ASPHD1: variants seen among roughly 807,000 people sequenced by gnomAD.
ASPHD1 encodes aspartate beta-hydroxylase domain-containing protein 1.
In ASPHD1, 20 loss-of-function variants were observed where a neutral mutation model predicts 28.3. The observed-to-expected ratio is 0.71, with a 90% confidence interval of 0.50 to 1.03. The LOEUF (loss-of-function observed/expected upper bound fraction) is 1.03, where lower values mean the gene tolerates loss of function less well. ASPHD1 is among the 50% of genes least tolerant of loss of function. ASPHD1 has a pLI of 0.00. For missense variants in ASPHD1, 479 were observed against 524.1 expected, an observed-to-expected ratio of 0.91 and a Z score of 0.84; for synonymous variants, 240 against 221.2, an observed-to-expected ratio of 1.08 and a Z score of -0.75.
rs561716059 is a variant in ASPHD1 at position 29,905,804 on chromosome 16, GCCT to G, written c.1082_1084del (p.Pro361del). 2.7e-5 allele frequency: 44 copies of G among 1,613,896 alleles called. No homozygotes were observed. The Admixed American group carries it at 4.2e-4, about 15-fold the overall frequency. ...GTGCCCTAGGCTCCCCCGAAGATGG[GCCT>G]CGAGTGGTCTTCATCGTGGACCTCT... On this transcript the variant is annotated inframe_deletion, in exon 3 of 3. Transcript: ENST00000308748.
chr16:29,911,315 G>A (rs1381789159), intron 3 of ASPHD1: 14 of 671,288 alleles, frequency 2.1e-5, no homozygotes, highest in African/African-American at 3.6e-5. Flanking sequence ...TCCACCCCTG[G>A]GGCCAGGCTA....
At chr16:29,906,884 G>A (rs1389996472), downstream of ASPHD1, 10 of 1,614,018 alleles carry the variant, frequency 6.2e-6, no homozygotes, top group Middle Eastern at 1.6e-4. Context: ...AGTCCTTGAA[G>A]ACAATTTGTT....
At chr16:29,917,895 C>A (rs1259405526) in intron 3 of ASPHD1, among the ~76,000 whole-genome samples, 1 of 152,110 alleles carries the variant, frequency 6.6e-6, no homozygotes, top group Non-Finnish European at 1.5e-5. Context: ...TTGCAGTGAG[C>A]CGAGATGACA....
chr16:29,905,960 G>A lies in ASPHD1; in HGVS notation c.*63G>A. On this transcript the variant is annotated 3_prime_UTR_variant, in exon 3 of 3. Transcript: ENST00000308748. ...CACTGCGCTCAGGGACGGCTTGATG[G>A]TAGCCAGGACCTCCTCTCTACTGCG... 9.6e-7 allele frequency: 1 copy of A among 1,036,574 alleles called. No homozygotes were observed. The highest frequency in any genetic ancestry group is 1.4e-6 in the Non-Finnish European group (1 of 721,444). 64.2% of individuals were successfully genotyped at this position (1,036,574 alleles called of 1,614,324 possible). A position where few individuals can be genotyped will look rare whatever the true frequency, so the allele number is the denominator to read the frequency against.
intron 3 of ASPHD1, chr16:29,911,061 A>G (rs2068699100): frequency 6.2e-7 from 1 of 1,614,108 alleles, no homozygotes; most frequent in African/African-American, 1.3e-5. Context: ...TAGAAAGACC[A>G]GCAGCAGATC....
intron 1 of ASPHD1, among the ~76,000 whole-genome samples, chr16:29,903,148 G>T (rs1490036155): frequency 2.0e-5 from 3 of 151,638 alleles, no homozygotes; most frequent in African/African-American, 7.3e-5. Flanking sequence ...CTGAGGCTGG[G>T]AGTTCGAGAC....
chr16:29,917,464 T>C (rs1466803123), intron 3 of ASPHD1, among the ~76,000 whole-genome samples: 1 of 152,012 alleles, frequency 6.6e-6, no homozygotes, highest in Non-Finnish European at 1.5e-5. Flanking sequence ...TTGACCAACA[T>C]GGCAAAACCC....
In ASPHD1 at chr16:29,901,679, TCCGCCTCGGGGCTGGTCC is replaced by T. The variant is rs1391520090; in HGVS notation, c.711_728del (p.Arg239_Pro244del). On this transcript the variant is annotated inframe_deletion, in exon 1 of 3. Coordinates refer to ENST00000308748, the MANE Select transcript of ASPHD1 (RefSeq NM_181718.4). This position sits in a 1 kb window ranked among gnomAD's most constrained non-coding sequence, Gnocchi z 5.1. ...GCTGGGACTTCTCAGGGACTACCCC[TCCGCCTCGGGGCTGGTCC>T]CCACCTCTGGCCCCCGGGTGCTACC... 2.9e-5 allele frequency: 46 copies of T among 1,584,208 alleles called. No homozygotes were observed. The highest frequency in any genetic ancestry group is 3.8e-5 in the Non-Finnish European group (44 of 1,170,154).
At chr16:29,912,099 T>C (rs767005325) in intron 3 of ASPHD1, 46 of 1,280,472 alleles carry the variant, frequency 3.6e-5, no homozygotes, top group Non-Finnish European at 4.9e-5. Flanking sequence ...GGCCACGTAC[T>C]CCCCCACTTA....
In ASPHD1 at chr16:29,901,354, C is replaced by T; in HGVS notation, c.383C>T (p.Pro128Leu). The T allele has an allele frequency of 1.3e-6, 2 of 1,599,918 alleles. No individual in the cohort carries two copies. Among genetic ancestry groups the T allele is most frequent in the East Asian group, 2.2e-5 (1 of 44,748 alleles). ...GTGGGATGCTCGGAGGCCGGCGGGC[C>T]AAGCCCAGGGGGTCCTGGGGATCCC... Reference protein sequence around the residue: ...GPVGCSEAGGPSPGGPGDPGE... With the variant: ...GPVGCSEAGGLSPGGPGDPGE... The change falls in exon 1 of 3, where the codon CCA (proline) becomes CTA (leucine). Residue 128 changes from proline to leucine, a missense_variant. Pro to Leu is a moderately conservative substitution (Grantham distance 98, BLOSUM62 -3). Coordinates refer to ENST00000308748, the MANE Select transcript of ASPHD1 (RefSeq NM_181718.4). This position sits in a 1 kb window ranked among gnomAD's most constrained non-coding sequence, Gnocchi z 5.1.
At chr16:29,911,037 T>G (rs766538821), downstream of ASPHD1, 4 of 1,614,198 alleles carry the variant, frequency 2.5e-6, no homozygotes, top group Non-Finnish European at 8.5e-7. Flanking sequence ...TCGGCGATTT[T>G]GCGGCCCTGC....
downstream of ASPHD1, chr16:29,906,539 G>A: frequency 2.0e-6 from 1 of 491,558 alleles, no homozygotes; most frequent in Non-Finnish European, 4.0e-6. Flanking sequence ...TGTCAGGAAG[G>A]GCCGCACACT....
intron 3 of ASPHD1, chr16:29,912,226 G>A: frequency 1.6e-6 from 1 of 636,838 alleles, no homozygotes; most frequent in Middle Eastern, 3.9e-4. Flanking sequence ...CTGGGCCTTG[G>A]TCCCACGGAC....
downstream of ASPHD1, chr16:29,907,184 T>C (rs2068628920): frequency 9.8e-7 from 1 of 1,018,902 alleles, no homozygotes; most frequent in Admixed American, 2.1e-5. Context: ...CTAGGGCCCC[T>C]GCACCAACAC....
In ASPHD1 at chr16:29,901,058, C is replaced by G; in HGVS notation, c.87C>G (p.Asn29Lys). ...ETAQSGMWKG[N>K]SPAGSQGAAM... is the part of the protein sequence containing the mutation. The stretch of plus-strand genomic sequence containing the variant: ...CCCAGAGTGGAATGTGGAAGGGAAA[C>G]AGTCCAGCGGGGAGCCAGGGGGCAG... Residue 29 changes from asparagine to lysine, a missense_variant, in exon 1 of 3, where the codon AAC becomes AAG. By Grantham distance (94) the Asn-to-Lys change is moderately conservative. Transcript: ENST00000308748. This position sits in a 1 kb window ranked among gnomAD's most constrained non-coding sequence, Gnocchi z 5.1. 1 of 1,604,606 alleles carries G rather than the reference C, an allele frequency of 6.2e-7. No individual in the cohort carries two copies. Among genetic ancestry groups the G allele is most frequent in the Non-Finnish European group, 8.5e-7 (1 of 1,175,524 alleles).
At chr16:29,908,101 C>T (rs1275746153), downstream of ASPHD1, among the ~76,000 whole-genome samples, 2 of 151,874 alleles carry the variant, frequency 1.3e-5, no homozygotes, top group African/African-American at 4.8e-5. Flanking sequence ...CCAGGGAAGG[C>T]CTCACTGAGA....
chr16:29,904,886 C>T lies in ASPHD1; in HGVS notation c.984C>T (p.Val328=), dbSNP rs371367858. 2.4e-5 allele frequency: 39 copies of T among 1,612,594 alleles called. No homozygotes were observed. The highest frequency in any genetic ancestry group is 3.1e-5 in the Non-Finnish European group (37 of 1,179,564). ...LKIPPGCELV[V]GGEPQCWAEG... is the part of the protein sequence containing the mutation. ...TCCCTCCTGGCTGTGAGCTGGTGGTCGGCGGTGAGCCCCAGTGCTGGGCTG... is the reference window on the plus strand; with the variant it reads ...TCCCTCCTGGCTGTGAGCTGGTGGTTGGCGGTGAGCCCCAGTGCTGGGCTG... The change falls in exon 2 of 3, where the codon GTC becomes GTT. Residue 328 remains valine (V), a synonymous_variant. Coordinates refer to ENST00000308748, the MANE Select transcript of ASPHD1 (RefSeq NM_181718.4).
chr16:29,906,323 C>T (rs1597007834), downstream of ASPHD1: 1 of 207,944 alleles, frequency 4.8e-6, no homozygotes, highest in East Asian at 1.3e-4. Context: ...TCCCTCTCCC[C>T]AGGAGCCAGC....
intron 3 of ASPHD1, chr16:29,911,673 G>C (rs2068711999): frequency 3.8e-6 from 3 of 785,310 alleles, no homozygotes; most frequent in Non-Finnish European, 6.2e-6. Flanking sequence ...AGAGCGTCAG[G>C]GGTAAGAGGC....
Sources: gnomAD v4.1 joint callset for allele counts (sites outside exome capture counted in the v4.1 genomes callset) on GRCh38, gnomAD v4.1.1 for gene constraint, Gnocchi (gnomAD v3.1) non-coding constraint, MANE v1.5 for transcripts, NCBI Gene and HGNC (gene_info 2026-07-23, HGNC 2026-07-21) for gene names.